Variants in SCN2A observed in about 807,000 individuals in gnomAD.
SCN2A encodes sodium voltage-gated channel alpha subunit 2.
Under a neutral mutation model 188.7 loss-of-function variants are expected in SCN2A, and 20 were observed. The ratio of observed to expected loss-of-function variants is 0.11; its 90% CI spans 0.07 to 0.15. The LOEUF (loss-of-function observed/expected upper bound fraction) is 0.15, where lower values mean the gene tolerates loss of function less well. SCN2A is among the 10% of genes least tolerant of loss of function. The pLI, the probability that SCN2A is intolerant of heterozygous loss-of-function variation, is 1.00. For synonymous variants in SCN2A, 804 were observed against 833.1 expected (o/e 0.97, Z 0.60); for missense variants, 1,278 against 2,445.0 (o/e 0.52, Z 10.07).
At chr2:165,374,567 A>G (rs1241221831) in intron 21 of SCN2A, 118 bp from the exon 22 acceptor site, 9 of 1,071,074 alleles carry the variant, frequency 8.4e-6, no homozygotes, top group Non-Finnish European at 8.3e-6. Flanking sequence ...TTTCTACCCA[A>G]TATTCAACTT....
intron 3 of SCN2A, among the ~76,000 whole-genome samples, chr2:165,303,755 C>A (rs1344218080): frequency 6.6e-6 from 1 of 152,060 alleles, no homozygotes; most frequent in Non-Finnish European, 1.5e-5. Flanking sequence ...CCCTAGTTAT[C>A]TACTATTTTT....
At chr2:165,264,080 C>T (rs1574463185) in intron 1 of SCN2A, among the ~76,000 whole-genome samples, 1 of 152,064 alleles carries the variant, frequency 6.6e-6, no homozygotes, top group East Asian at 1.9e-4. Flanking sequence ...CAATTATGTC[C>T]TCAGCAAACA....
intron 1 of SCN2A, chr2:165,271,035 T>C (rs1464538089): frequency 6.6e-6 from 1 of 152,070 alleles, no homozygotes; most frequent in East Asian, 1.9e-4. Flanking sequence ...ATAAGTAAAA[T>C]ACTGTGCATA....
chr2:165,297,252 C>T (rs991862787), intron 3 of SCN2A, 117 bp downstream of exon 3: 2 of 678,600 alleles, frequency 2.9e-6, no homozygotes, highest in Non-Finnish European at 5.4e-6. Flanking sequence ...TTTTTCTTTC[C>T]TTTTACTCAA....
chr2:165,379,152 C>A (rs1161271402), intron 23 of SCN2A, among the ~76,000 whole-genome samples: 1 of 151,518 alleles, frequency 6.6e-6, no homozygotes, highest in South Asian at 2.1e-4. Context: ...AATCTATGTA[C>A]AAAAATGAAT....
At chr2:165,355,799 C>T (rs1700152086) in intron 17 of SCN2A, among the ~76,000 whole-genome samples, 1 of 151,908 alleles carries the variant, frequency 6.6e-6, no homozygotes, top group Admixed American at 6.6e-5. Flanking sequence ...GAGTTCGAGA[C>T]CAGCGTGGCC....
At chr2:165,325,995 A>G (rs1698337700) in intron 12 of SCN2A, among the ~76,000 whole-genome samples, 1 of 152,194 alleles carries the variant, frequency 6.6e-6, no homozygotes, top group South Asian at 2.1e-4. Context: ...AAATAGGGAA[A>G]GTCCTCAAAG....
chr2:165,249,851 C>T (rs1261178800), intron 1 of SCN2A, among the ~76,000 whole-genome samples: 1 of 151,960 alleles, frequency 6.6e-6, no homozygotes, highest in African/African-American at 2.4e-5. Context: ...TGATCACTTT[C>T]CACATAATCA....
chr2:165,243,855 A>G (rs1693729556), intron 1 of SCN2A: 1 of 152,200 alleles, frequency 6.6e-6, no homozygotes, highest in African/African-American at 2.4e-5. Flanking sequence ...GCTGATAATA[A>G]TGAATACCAT....
intron 14 of SCN2A, among the ~76,000 whole-genome samples, chr2:165,333,325 G>C (rs757503071): frequency 6.6e-6 from 1 of 151,946 alleles, no homozygotes; most frequent in South Asian, 2.1e-4. Context: ...TTATGGAATA[G>C]TAGAAAATCC....
At chr2:165,385,166 A>G (rs964959954) in intron 25 of SCN2A, among the ~76,000 whole-genome samples, 2 of 152,282 alleles carry the variant, frequency 1.3e-5, no homozygotes, top group South Asian at 2.1e-4. Context: ...AAGCCTCCCA[A>G]TAGAAAGAGG....
At chr2:165,247,356 CTCTT>C (rs570322777) in intron 1 of SCN2A, among the ~76,000 whole-genome samples, 276 of 151,958 alleles carry the variant, frequency 1.8e-3, no homozygotes, top group African/African-American at 3.7e-3. Context: ...ATCTATGACT[CTCTT>C]TCTATTCTCT....
chr2:165,361,977 G>A (rs968081269), intron 17 of SCN2A, among the ~76,000 whole-genome samples: 3 of 152,028 alleles, frequency 2.0e-5, no homozygotes, highest in African/African-American at 7.2e-5. Flanking sequence ...AGAAAATATT[G>A]TGTGTATTCT....
intron 22 of SCN2A, among the ~76,000 whole-genome samples, 192 bp from the exon 23 acceptor site, chr2:165,377,405 T>C (rs1219074442): frequency 2.6e-5 from 4 of 152,026 alleles, no homozygotes. Context: ...CATAAGATGT[T>C]ATAGAGGAAT....
intron 1 of SCN2A, among the ~76,000 whole-genome samples, chr2:165,275,759 G>C (rs780824370): frequency 7.3e-5 from 11 of 151,696 alleles, no homozygotes; most frequent in Non-Finnish European, 1.3e-4. Context: ...TTCCAAGACA[G>C]AGTCTTGCTC....
At chr2:165,320,784 C>G (rs572512288) in intron 11 of SCN2A, among the ~76,000 whole-genome samples, 12 of 152,334 alleles carry the variant, frequency 7.9e-5, no homozygotes, top group African/African-American at 2.9e-4. Flanking sequence ...GCGTGGGACT[C>G]TGGACCCGGC....
intron 1 of SCN2A, among the ~76,000 whole-genome samples, chr2:165,274,564 A>AG (rs1272925536): frequency 1.3e-5 from 2 of 152,236 alleles, no homozygotes; most frequent in Non-Finnish European, 2.9e-5. Flanking sequence ...ACAAAAGAAC[A>AG]TTTTGTACAA....
At position 165,384,467 on chromosome 2, in the gene SCN2A, T is replaced by C. The variant is rs1488590095; in HGVS notation, c.4552-2279T>C. On this transcript the variant is annotated intron_variant, in intron 25 of 26. Transcript: ENST00000375437. ...ACACAGAGACTCGAGACTGGAGTTG[T>C]ACATTGAGATGTCTGTCTCATTGGA... Among the ~76,000 whole-genome samples the C allele has an allele frequency of 2.0e-5, 3 of 152,162 alleles. No individual in the cohort carries two copies. In the East Asian group the frequency reaches 5.8e-4, roughly 29 times the overall value.
rs552318566 is a variant in SCN2A, at chr2:165,344,919, G to A, written c.2919+8G>A. The A allele has an allele frequency of 1.9e-5, 30 of 1,613,964 alleles. No individual in the cohort carries two copies. The African/African-American group carries it at 3.9e-4, about 21-fold the overall frequency. On this transcript the variant is annotated splice_region_variant and intron_variant, in intron 16 of 26. Coordinates refer to ENST00000375437, the MANE Select transcript of SCN2A (RefSeq NM_001040142.2). ...GTGATTGGAAATCTAGTGGTATGTA[G>A]CAAAAACATTTTCCTCATTTTCATT...
Sources: gnomAD v4.1 joint callset for allele counts (sites outside exome capture counted in the v4.1 genomes callset) on GRCh38, gnomAD v4.1.1 for gene constraint, MANE v1.5 for transcripts, NCBI Gene and HGNC (gene_info 2026-07-23, HGNC 2026-07-21) for gene names.